The following USP32 variants were observed in gnomAD, a reference collection of about 807,000 sequenced individuals.
USP32 encodes the protein ubiquitin specific peptidase 32, also known as ubiquitin carboxyl-terminal hydrolase 32.
USP32 carries 59 observed loss-of-function variants against 204.8 expected under a neutral mutation model. That is an observed-to-expected ratio of 0.29 (90% CI 0.23 to 0.36). USP32 has a LOEUF of 0.36. Ranked by LOEUF, USP32 falls within the 10% of genes least tolerant of loss-of-function variation. USP32 has a pLI of 1.00. For missense variants in USP32, 1,160 were observed against 1,946.4 expected (o/e 0.60, Z 7.60); for synonymous variants, 517 against 678.4 (o/e 0.76, Z 3.70).
intron 2 of USP32, among the ~76,000 whole-genome samples, chr17:60,304,236 T>C (rs979357202): frequency 9.2e-5 from 14 of 152,022 alleles, no homozygotes; most frequent in African/African-American, 2.9e-4. Context: ...TCAAAAATTA[T>C]GTAAGCCAGA....
chr17:60,252,058 TTC>T (rs1162561885), intron 11 of USP32, among the ~76,000 whole-genome samples: 5 of 152,100 alleles, frequency 3.3e-5, no homozygotes, highest in African/African-American at 1.2e-4. Context: ...CTTTCTCTGC[TTC>T]TTTTTGTTTA....
intron 30 of USP32, among the ~76,000 whole-genome samples, chr17:60,184,750 C>T (rs573118976): frequency 7.1e-6 from 1 of 141,634 alleles, no homozygotes; most frequent in Middle Eastern, 3.6e-3. Context: ...GTGGAGGTTG[C>T]GGTGAGCTGA....
At chr17:60,327,890 G>C (rs1344670830) in intron 2 of USP32, among the ~76,000 whole-genome samples, 1 of 152,246 alleles carries the variant, frequency 6.6e-6, no homozygotes, top group Admixed American at 6.5e-5. Flanking sequence ...TGACGTGCTA[G>C]CTGCCTGCCA....
chr17:60,414,275 A>G (rs1373493955), intron 1 of USP32, among the ~76,000 whole-genome samples: 3 of 151,746 alleles, frequency 2.0e-5, no homozygotes, highest in African/African-American at 7.3e-5. Context: ...TGGCAGGAGA[A>G]TTGCTTGAAC....
chr17:60,330,661 C>T (rs1199954638), intron 2 of USP32, among the ~76,000 whole-genome samples: 3 of 151,996 alleles, frequency 2.0e-5, no homozygotes, highest in Non-Finnish European at 4.4e-5. Context: ...ATCCTCCAGC[C>T]TCAGCCTCCC....
intron 2 of USP32, among the ~76,000 whole-genome samples, chr17:60,328,180 T>C (rs1017779927): frequency 2.0e-5 from 3 of 152,162 alleles, no homozygotes; most frequent in Non-Finnish European, 4.4e-5. Flanking sequence ...CAGCAATCCA[T>C]AGACCAATCA....
At chr17:60,349,139 T>C (rs1017763879) in intron 1 of USP32, among the ~76,000 whole-genome samples, 1 of 150,632 alleles carries the variant, frequency 6.6e-6, no homozygotes, top group African/African-American at 2.4e-5. Flanking sequence ...TAGAATAACA[T>C]AGTATTAGAA....
exon 1 of USP32, chr17:60,422,250 T>A: frequency 2.9e-6 from 1 of 346,788 alleles, no homozygotes; most frequent in Non-Finnish European, 5.4e-6. Flanking sequence ...CCTTACCAGG[T>A]GGTGTCAGGA....
intron 1 of USP32, among the ~76,000 whole-genome samples, chr17:60,412,254 A>G (rs1001784669): frequency 4.6e-5 from 7 of 152,180 alleles, no homozygotes; most frequent in Admixed American, 4.6e-4. Context: ...CTATAATCCC[A>G]GCACTTTGGG....
chr17:60,343,092 G>T (rs1020994192), intron 2 of USP32, among the ~76,000 whole-genome samples: 4 of 152,172 alleles, frequency 2.6e-5, no homozygotes, highest in Non-Finnish European at 4.4e-5. Flanking sequence ...AATTCAACAA[G>T]AAGAGCTATC....
Position 60,223,605 on chromosome 17 carries a change from A to G in USP32, c.1433-19T>C, listed in dbSNP as rs1751344502. ...AGAAAGCCTATAAAAAAAAAAGAGGATAGAATCTCTTATTTTTAGTTATTA... is the reference window on the plus strand; with the variant it reads ...AGAAAGCCTATAAAAAAAAAAGAGGGTAGAATCTCTTATTTTTAGTTATTA... On this transcript the variant is annotated intron_variant, in intron 13 of 33. Coordinates refer to ENST00000300896, the MANE Select transcript of USP32 (RefSeq NM_032582.4). 8 of 1,574,076 alleles carry G rather than the reference A, an allele frequency of 5.1e-6. No homozygotes were observed. The East Asian group carries it at 1.6e-4, about 31-fold the overall frequency.
Position 60,392,104 on chromosome 17 carries a change from T to C in USP32, c.-165A>G, listed in dbSNP as rs2089850303. ...CTTCTGCCCCGGCGGCTCCTCCCGG[T>C]CGCCGCCACCGCCTCCATGCCGGAT... On this transcript the variant is annotated 5_prime_UTR_variant, in exon 1 of 34. Coordinates refer to ENST00000300896, the MANE Select transcript of USP32 (RefSeq NM_032582.4). The C allele has an allele frequency of 1.5e-6, 1 of 655,626 alleles. No individual in the cohort carries two copies. The highest frequency in any genetic ancestry group is 2.0e-5 in the South Asian group (1 of 49,350). 40.6% of individuals were successfully genotyped at this position (655,626 alleles called of 1,614,324 possible).
chr17:60,392,644 G>A (rs2089862612), upstream of USP32: 2 of 450,826 alleles, frequency 4.4e-6, no homozygotes, highest in Non-Finnish European at 8.9e-6. Flanking sequence ...AAAGGAGTGG[G>A]TAGGCAGGGA....
intron 2 of USP32, among the ~76,000 whole-genome samples, chr17:60,328,906 C>G (rs2145960727): frequency 6.6e-6 from 1 of 152,170 alleles, no homozygotes; most frequent in Admixed American, 6.5e-5. Flanking sequence ...CTGGCTGTAC[C>G]CCACTCTAGC....
At chr17:60,210,304 C>T (rs1209130063) in intron 21 of USP32, among the ~76,000 whole-genome samples, 3 of 151,790 alleles carry the variant, frequency 2.0e-5, no homozygotes, top group Non-Finnish European at 4.4e-5. Context: ...ATTCATTCAT[C>T]CTTCTACTTT....
chr17:60,272,191 A>G (rs1331881954), intron 5 of USP32, among the ~76,000 whole-genome samples: 1 of 152,214 alleles, frequency 6.6e-6, no homozygotes, highest in Non-Finnish European at 1.5e-5. Flanking sequence ...GACTGTAAAC[A>G]TCATAATGGC....
chr17:60,375,490 G>T (rs2089522156), intron 1 of USP32, among the ~76,000 whole-genome samples: 1 of 152,188 alleles, frequency 6.6e-6, no homozygotes, highest in South Asian at 2.1e-4. Context: ...CAGAATGTTA[G>T]AATTTTCACT....
Position 60,207,225 on chromosome 17 carries a change from C to T in USP32, c.2926-93G>A, listed in dbSNP as rs931540894. 20 of 1,481,032 alleles carry T rather than the reference C, an allele frequency of 1.4e-5. No individual in the cohort carries two copies. The East Asian group carries it at 2.3e-4, about 17-fold the overall frequency. 91.7% of individuals were successfully genotyped at this position (1,481,032 alleles called of 1,614,324 possible). On this transcript the variant is annotated intron_variant, in intron 24 of 33. Transcript: ENST00000300896. Reference sequence around the variant, plus strand: ...ACATATTTCAAAAGAATGTCTTAGGCGCTTTCATCCGTAAAACCAACGAGA... The same window carrying T: ...ACATATTTCAAAAGAATGTCTTAGGTGCTTTCATCCGTAAAACCAACGAGA...
chr17:60,181,785 A>T (rs550143713), intron 31 of USP32, 37 bp from the exon 32 acceptor site: 2 of 1,581,514 alleles, frequency 1.3e-6, no homozygotes, highest in East Asian at 4.5e-5. Context: ...CACAAATTCA[A>T]ATGCCACAAA....
Sources: allele counts gnomAD v4.1 joint callset (sites outside exome capture counted in the v4.1 genomes callset), GRCh38; gene constraint gnomAD v4.1.1; transcripts MANE v1.5; gene names NCBI Gene and HGNC (gene_info 2026-07-23, HGNC 2026-07-21).